The following KCNH7 variants were observed in gnomAD, a reference collection of about 807,000 sequenced individuals.
KCNH7 encodes voltage-gated inwardly rectifying potassium channel KCNH7.
KCNH7 carries 49 observed loss-of-function variants against 120.8 expected under a neutral mutation model. The ratio of observed to expected loss-of-function variants is 0.41; its 90% CI spans 0.32 to 0.51. The LOEUF is 0.51. KCNH7 is among the 20% of genes least tolerant of loss of function. The probability of loss-of-function intolerance (pLI) is 0.38; values close to 1 mark genes in which losing one functional copy is unlikely to be tolerated. For synonymous variants in KCNH7, 547 were observed against 516.1 expected (o/e 1.06, Z -0.81); for missense variants, 1,097 against 1,446.6 (o/e 0.76, Z 3.92).
Position 162,489,385 on chromosome 2 carries a change from T to C in KCNH7, c.1128+15058A>G, listed in dbSNP as rs997376465. On this transcript the variant is annotated intron_variant, in intron 6 of 15. Transcript: ENST00000332142. ...GATAGCCGATGAGCTAAAAAAAAAA[T>C]GCAAAAAAATCTCATAATGTTCTAA... 2.8e-3 allele frequency among the ~76,000 whole-genome samples: 419 copies of C among 151,476 alleles called. 6 individuals are homozygous for C. Among genetic ancestry groups the C allele is most frequent in the East Asian group, 1.2e-3 (6 of 5,154 alleles).
rs143461833 is a variant in KCNH7 at position 162,702,951 on chromosome 2, C to A, written c.307+133586G>T. ...ATTTATCTTTGGAAATATAGGGCTCCCCAAGTGCACTAGATCTTGGTAAGA... is the reference window on the plus strand; with the variant it reads ...ATTTATCTTTGGAAATATAGGGCTCACCAAGTGCACTAGATCTTGGTAAGA... On this transcript the variant is annotated intron_variant, in intron 2 of 15. Transcript: ENST00000332142. Among the ~76,000 whole-genome samples, 212 of 152,038 alleles carry A rather than the reference C, an allele frequency of 1.4e-3. 2 individuals carry two copies. In the East Asian group the frequency reaches 0.015, roughly 11 times the overall value.
At chr2:162,706,781 C>T (rs1686718729) in intron 2 of KCNH7, among the ~76,000 whole-genome samples, 2 of 152,248 alleles carry the variant, frequency 1.3e-5, no homozygotes, top group African/African-American at 4.8e-5. Context: ...TGGCATAATG[C>T]TTGTCCACAT....
chr2:162,421,130 C>A (rs1175343397), intron 9 of KCNH7, among the ~76,000 whole-genome samples: 1 of 152,184 alleles, frequency 6.6e-6, no homozygotes, highest in East Asian at 1.9e-4. Context: ...AACAAGAAGT[C>A]CGTGCAAAGT....
At chr2:162,641,246 A>G (rs1339394780) in intron 2 of KCNH7, among the ~76,000 whole-genome samples, 1 of 152,222 alleles carries the variant, frequency 6.6e-6, no homozygotes, top group Non-Finnish European at 1.5e-5. Context: ...CAAAACCCAT[A>G]AATAACAGAG....
chr2:162,683,830 A>G (rs1685792299), intron 2 of KCNH7, among the ~76,000 whole-genome samples: 1 of 152,058 alleles, frequency 6.6e-6, no homozygotes, highest in Non-Finnish European at 1.5e-5. Flanking sequence ...TTCTTCACAA[A>G]TTAGAAAAAA....
intron 2 of KCNH7, among the ~76,000 whole-genome samples, chr2:162,569,079 G>T (rs1693367791): frequency 6.6e-6 from 1 of 151,978 alleles, no homozygotes; most frequent in Non-Finnish European, 1.5e-5. Flanking sequence ...TTTTTCTATT[G>T]ATTGGAATAG....
intron 9 of KCNH7, among the ~76,000 whole-genome samples, chr2:162,404,006 T>G (rs944869009): frequency 2.0e-5 from 3 of 152,080 alleles, no homozygotes; most frequent in Admixed American, 1.3e-4. Context: ...CCTTCTTGGC[T>G]TCCTGTTCAT....
At chr2:162,783,559 C>T (rs1683583664) in intron 2 of KCNH7, among the ~76,000 whole-genome samples, 2 of 152,130 alleles carry the variant, frequency 1.3e-5, no homozygotes, top group African/African-American at 2.4e-5. Context: ...TTAAGAATAA[C>T]ATTTAATCCC....
chr2:162,471,247 T>TA (rs79162616), intron 6 of KCNH7, among the ~76,000 whole-genome samples: 2,502 of 132,082 alleles, frequency 0.019, 51 homozygotes, highest in African/African-American at 0.055. Context: ...ATCAATAAAT[T>TA]AAAAAAAAAA....
chr2:162,527,096 T>C (rs141267263), intron 3 of KCNH7, among the ~76,000 whole-genome samples: 187 of 152,082 alleles, frequency 1.2e-3, no homozygotes, highest in East Asian at 6.6e-3. Context: ...ATCTTAGAAA[T>C]AGATACGATG....
intron 2 of KCNH7, among the ~76,000 whole-genome samples, chr2:162,633,791 T>C (rs1386046143): frequency 1.3e-5 from 2 of 152,068 alleles, no homozygotes; most frequent in Non-Finnish European, 2.9e-5. Flanking sequence ...GTAATTTGCT[T>C]TAATACTTGA....
chr2:162,496,541 C>T (rs984642519), intron 6 of KCNH7, among the ~76,000 whole-genome samples: 1 of 152,154 alleles, frequency 6.6e-6, no homozygotes, highest in Non-Finnish European at 1.5e-5. Flanking sequence ...GAGCCCCTCT[C>T]TCTTTGCTGA....
In KCNH7 at chr2:162,402,788, C is replaced by CGT. The variant is rs367676335; in HGVS notation, c.2155-2349_2155-2348dup. On this transcript the variant is annotated intron_variant, in intron 9 of 15. Coordinates refer to ENST00000332142, the MANE Select transcript of KCNH7 (RefSeq NM_033272.4). Reference sequence around the variant, plus strand: ...TAAAACTTGGTATAGAAAAAAATTGCGTGTGTGTGTGTGTGCATGTCTGTG... The same window carrying CGT: ...TAAAACTTGGTATAGAAAAAAATTGCGTGTGTGTGTGTGTGTGCATGTCTGTG... Among the ~76,000 whole-genome samples the CGT allele has an allele frequency of 4.4e-3, 660 of 150,612 alleles. 2 individuals carry two copies. The highest frequency in any genetic ancestry group is 6.9e-3 in the Non-Finnish European group (468 of 67,382).
intron 6 of KCNH7, among the ~76,000 whole-genome samples, chr2:162,483,433 G>A (rs1689993401): frequency 6.6e-6 from 1 of 152,120 alleles, no homozygotes; most frequent in South Asian, 2.1e-4. Context: ...TAGAATGGAA[G>A]AGGGATTCTG....
intron 7 of KCNH7, among the ~76,000 whole-genome samples, chr2:162,443,716 C>A (rs1462501317): frequency 6.6e-6 from 1 of 152,188 alleles, no homozygotes; most frequent in African/African-American, 2.4e-5. Context: ...CAGATGACAG[C>A]CTTTGCAGTC....
chr2:162,731,735 T>C (rs1234505241), intron 2 of KCNH7, among the ~76,000 whole-genome samples: 1 of 152,100 alleles, frequency 6.6e-6, no homozygotes, highest in Non-Finnish European at 1.5e-5. Context: ...TGCAGATACA[T>C]CTGAAAAGGT....
At chr2:162,541,251 C>T (rs987805342) in intron 2 of KCNH7, among the ~76,000 whole-genome samples, 4 of 151,876 alleles carry the variant, frequency 2.6e-5, no homozygotes, top group African/African-American at 7.3e-5. Context: ...GAATGGATTA[C>T]GTATAAGGAC....
At chr2:162,778,452 G>A (rs143764231) in intron 2 of KCNH7, among the ~76,000 whole-genome samples, 6 of 152,190 alleles carry the variant, frequency 3.9e-5, no homozygotes, top group South Asian at 4.1e-4. Context: ...TATAAACAGC[G>A]TCTTGGGTTA....
In KCNH7 at chr2:162,504,563, A is replaced by G. The variant is rs1574038842; in HGVS notation, c.1008T>C (p.Thr336=). 6.2e-7 allele frequency: 1 copy of G among 1,612,694 alleles called. No homozygotes were observed. The highest frequency in any genetic ancestry group is 1.3e-5 in the African/African-American group (1 of 74,940). ...YSTINKIPQL[T]LNFSEVKTEK... Reference sequence around the variant, plus strand: ...CAGTTTTGACCTCTGAAAAATTCAGAGTGAGCTGTGGAATCTTGTTAATGG... The same window carrying G: ...CAGTTTTGACCTCTGAAAAATTCAGGGTGAGCTGTGGAATCTTGTTAATGG... Residue 336 remains threonine, a synonymous_variant, in exon 6 of 16, where the codon ACT becomes ACC. Coordinates refer to ENST00000332142, the MANE Select transcript of KCNH7 (RefSeq NM_033272.4).
Sources: gnomAD v4.1 joint callset for allele counts (sites outside exome capture counted in the v4.1 genomes callset) on GRCh38, gnomAD v4.1.1 for gene constraint, MANE v1.5 for transcripts, NCBI Gene and HGNC (gene_info 2026-07-23, HGNC 2026-07-21) for gene names.